TFEC: variants seen among roughly 807,000 people sequenced by gnomAD.
TFEC encodes transcription factor EC.
In TFEC, 31 loss-of-function variants were observed where a neutral mutation model predicts 41.6. The observed-to-expected ratio is 0.74, with a 90% CI of 0.56 to 1.01. TFEC has a LOEUF of 1.01. TFEC is among the 50% of genes least tolerant of loss of function. The probability of loss-of-function intolerance (pLI) is 0.00; values close to 1 mark genes in which losing one functional copy is unlikely to be tolerated. For synonymous variants in TFEC, 143 were observed against 140.6 expected (o/e 1.02, Z -0.12); for missense variants, 402 against 404.1 (o/e 0.99, Z 0.04).
At position 115,954,581 on chromosome 7, in the gene TFEC, C is replaced by A; in HGVS notation, c.439+5G>T. The A allele has an allele frequency of 6.2e-7, 1 of 1,609,350 alleles. No individual in the cohort carries two copies. Among genetic ancestry groups the A allele is most frequent in the Non-Finnish European group, 8.5e-7 (1 of 1,177,244 alleles). ...TTAATTTTATATGGAAAAATATATA[C>A]TCACTGAGGTTGTGGTTGTCCTTTT... is the stretch of plus-strand genomic sequence containing the variant. On this transcript the variant is annotated splice_donor_5th_base_variant and intron_variant, in intron 5 of 7. Transcript: ENST00000265440.
At chr7:116,029,720 G>A (rs554599767) in intron 1 of TFEC, among the ~76,000 whole-genome samples, 2 of 151,834 alleles carry the variant, frequency 1.3e-5, no homozygotes, top group Non-Finnish European at 2.9e-5. Context: ...GTATGTACAT[G>A]TGTATAAATA....
Position 115,936,512 on chromosome 7 carries a change from T to A in TFEC, c.*4039A>T, listed in dbSNP as rs1449172859. On this transcript the variant is annotated 3_prime_UTR_variant, in exon 8 of 8. Coordinates refer to ENST00000265440, the MANE Select transcript of TFEC (RefSeq NM_012252.4). Reference sequence around the variant, plus strand: ...AAATACCTAAAGTGTTTGAATAGGGTCAAAGACATTGTAAAAAAATTTGGA... The same window carrying A: ...AAATACCTAAAGTGTTTGAATAGGGACAAAGACATTGTAAAAAAATTTGGA... 2.6e-5 allele frequency: 4 copies of A among 151,570 alleles called. No homozygotes were observed. The highest frequency in any genetic ancestry group is 2.6e-4 in the Admixed American group (4 of 15,180). 9.4% of individuals were successfully genotyped at this position (151,570 alleles called of 1,614,324 possible).
At chr7:116,121,794 C>G (rs1352368968) in intron 1 of TFEC, among the ~76,000 whole-genome samples, 1 of 151,930 alleles carries the variant, frequency 6.6e-6, no homozygotes, top group African/African-American at 2.4e-5. Context: ...TTTGCCTAAG[C>G]CAGGACTCAA....
chr7:116,058,550 T>A (rs1456879970), intron 3 of TFEC, among the ~76,000 whole-genome samples: 1 of 151,700 alleles, frequency 6.6e-6, no homozygotes. Context: ...CTGACCTAAT[T>A]GCTTTTATAG....
At chr7:116,036,683 C>T (rs530992497) in intron 3 of TFEC, among the ~76,000 whole-genome samples, 2 of 152,096 alleles carry the variant, frequency 1.3e-5, no homozygotes, top group South Asian at 4.2e-4. Context: ...ACACTCCTAG[C>T]CTTTACCCTC....
intron 3 of TFEC, among the ~76,000 whole-genome samples, chr7:116,104,174 C>A (rs1055673833): frequency 6.6e-6 from 1 of 152,000 alleles, no homozygotes; most frequent in Non-Finnish European, 1.5e-5. Flanking sequence ...CAAGACAGAC[C>A]CAGAAATGTA....
intron 1 of TFEC, among the ~76,000 whole-genome samples, chr7:115,990,963 G>T (rs1215507077): frequency 6.6e-6 from 1 of 152,266 alleles, no homozygotes; most frequent in East Asian, 1.9e-4. Flanking sequence ...AGGAAAAAAT[G>T]TTAAAGGGAG....
At chr7:115,976,351 G>A (rs568797642) in intron 2 of TFEC, among the ~76,000 whole-genome samples, 18 of 152,202 alleles carry the variant, frequency 1.2e-4, no homozygotes, top group South Asian at 8.3e-4. Flanking sequence ...TGTGAACCCC[G>A]GAGGCAGAGT....
chr7:116,001,422 G>A (rs1467598098), intron 1 of TFEC, among the ~76,000 whole-genome samples: 1 of 151,674 alleles, frequency 6.6e-6, no homozygotes, highest in African/African-American at 2.4e-5. Flanking sequence ...TTGAACCCTG[G>A]AGGCGGAAGT....
chr7:115,957,056 TTC>T (rs576688246), intron 3 of TFEC, among the ~76,000 whole-genome samples: 1 of 152,026 alleles, frequency 6.6e-6, no homozygotes, highest in East Asian at 1.9e-4. Flanking sequence ...TGAAGGAAAA[TTC>T]CTATTAATAT....
intron 3 of TFEC, among the ~76,000 whole-genome samples, chr7:116,068,199 G>A (rs1455699466): frequency 6.6e-6 from 1 of 151,658 alleles, no homozygotes; most frequent in Non-Finnish European, 1.5e-5. Context: ...TATTTTTGTC[G>A]GGGGTTGGGA....
intron 3 of TFEC, among the ~76,000 whole-genome samples, chr7:115,970,561 T>A (rs1214440696): frequency 6.6e-6 from 1 of 151,948 alleles, no homozygotes; most frequent in African/African-American, 2.4e-5. Flanking sequence ...GTGAGTGTTA[T>A]TAAAGATTGA....
intron 5 of TFEC, 45 bp from the exon 6 acceptor site, chr7:115,950,994 T>C (rs1791909026): frequency 8.0e-7 from 1 of 1,254,972 alleles, no homozygotes; most frequent in South Asian, 1.5e-5. Context: ...TAATGCACAG[T>C]TCACTTTTGG....
At chr7:116,008,882 GATA>G (rs1035511588) in intron 1 of TFEC, among the ~76,000 whole-genome samples, 11 of 152,108 alleles carry the variant, frequency 7.2e-5, no homozygotes, top group African/African-American at 2.4e-4. Context: ...CTATTTAATG[GATA>G]ATAATATAAA....
intron 1 of TFEC, among the ~76,000 whole-genome samples, chr7:116,127,861 C>A (rs1002980525): frequency 2.0e-5 from 3 of 152,044 alleles, no homozygotes; most frequent in Non-Finnish European, 4.4e-5. Context: ...CTAGCCCACA[C>A]ACCCACACCC....
chr7:115,974,406 TTATATATATATATATATATATATATA>T lies in TFEC; in HGVS notation c.181-176_181-151del, dbSNP rs572119521. On this transcript the variant is annotated intron_variant, in intron 2 of 7. Transcript: ENST00000265440. ...TATACATATATATAAAACCTCAATA[TTATATATATATATATATATATATATA>T]TATATATATATATATATAAAAACAC... is the stretch of plus-strand genomic sequence containing the variant. The T allele has an allele frequency of 7.7e-5, 5 of 65,006 alleles. 2 individuals are homozygous for T. The South Asian group carries it at 3.8e-3, about 49-fold the overall frequency. The allele number at this position is 65,006 out of a possible 1,614,324, so 4.0% of individuals were successfully genotyped here.
chr7:115,997,019 G>A (rs1027686613), intron 1 of TFEC, among the ~76,000 whole-genome samples: 2 of 152,178 alleles, frequency 1.3e-5, no homozygotes, highest in African/African-American at 4.8e-5. Flanking sequence ...ATCACCCTGA[G>A]GGTGAGGACA....
At chr7:115,954,927 C>T (rs541700543) in intron 4 of TFEC, among the ~76,000 whole-genome samples, 1 of 152,110 alleles carries the variant, frequency 6.6e-6, no homozygotes, top group Non-Finnish European at 1.5e-5. Flanking sequence ...TCAGGCTCTT[C>T]ATCTGTAAAA....
chr7:116,158,023 A>G (rs1232354459), intron 1 of TFEC, among the ~76,000 whole-genome samples: 1 of 152,106 alleles, frequency 6.6e-6, no homozygotes, highest in Non-Finnish European at 1.5e-5. Flanking sequence ...CGGAGCCACA[A>G]TCTCCTTATT....
Sources: allele counts gnomAD v4.1 joint callset (sites outside exome capture counted in the v4.1 genomes callset), GRCh38; gene constraint gnomAD v4.1.1; transcripts MANE v1.5; gene names NCBI Gene and HGNC (gene_info 2026-07-23, HGNC 2026-07-21).